The following HIVEP3 variants were observed in gnomAD, a reference collection of about 807,000 sequenced individuals.
The protein encoded by HIVEP3 is transcription factor HIVEP3.
Under a neutral mutation model 152.8 loss-of-function variants are expected in HIVEP3, and 49 were observed. That is an observed-to-expected ratio of 0.32 (90% CI 0.26 to 0.41). The LOEUF (loss-of-function observed/expected upper bound fraction) is 0.41, where lower values mean the gene tolerates loss of function less well. Ranked by LOEUF, HIVEP3 falls within the 10% of genes least tolerant of loss-of-function variation. HIVEP3 has a pLI of 1.00. For synonymous variants in HIVEP3, 1,269 were observed against 1,289.0 expected (o/e 0.98, Z 0.33); for missense variants, 2,790 against 3,103.3 (o/e 0.90, Z 2.40).
At chr1:41,956,711 C>T (rs189649356) in intron 1 of HIVEP3, among the ~76,000 whole-genome samples, 5 of 152,238 alleles carry the variant, frequency 3.3e-5, no homozygotes, top group Admixed American at 3.3e-4. Flanking sequence ...AGACAGGAGC[C>T]CAAGTTAGGT....
chr1:41,896,767 G>A (rs889753716), intron 1 of HIVEP3, among the ~76,000 whole-genome samples: 4 of 151,836 alleles, frequency 2.6e-5, no homozygotes, highest in African/African-American at 9.7e-5. Flanking sequence ...GTAGAGATAG[G>A]GTTTCACCAT....
At chr1:41,825,978 C>T (rs1642791668) in intron 1 of HIVEP3, among the ~76,000 whole-genome samples, 1 of 152,038 alleles carries the variant, frequency 6.6e-6, no homozygotes, top group Non-Finnish European at 1.5e-5. Context: ...CCCTGTAGCC[C>T]CAAGAGAGTA....
intron 1 of HIVEP3, among the ~76,000 whole-genome samples, chr1:41,786,676 G>A (rs973051968): frequency 6.6e-6 from 1 of 152,060 alleles, no homozygotes; most frequent in Non-Finnish European, 1.5e-5. Flanking sequence ...TCTCTTACCA[G>A]GAAAGCTTGC....
At chr1:41,634,689 G>A (rs923729588) in intron 2 of HIVEP3, among the ~76,000 whole-genome samples, 23 of 152,116 alleles carry the variant, frequency 1.5e-4, no homozygotes, top group Admixed American at 6.5e-5. Context: ...AAAATAATGC[G>A]AGAAAGCCAA....
At chr1:41,592,584 C>T (rs1038033370) in intron 3 of HIVEP3, among the ~76,000 whole-genome samples, 8 of 152,182 alleles carry the variant, frequency 5.3e-5, no homozygotes, top group South Asian at 2.1e-4. Flanking sequence ...CAACCCTCCC[C>T]GTGGGACTGA....
chr1:41,861,952 C>T (rs1237289271), intron 1 of HIVEP3, among the ~76,000 whole-genome samples: 1 of 152,064 alleles, frequency 6.6e-6, no homozygotes, highest in Non-Finnish European at 1.5e-5. Context: ...TGGAAGATAC[C>T]ACAAAGCAAA....
At chr1:42,010,431 G>C (rs1645486323) in intron 1 of HIVEP3, among the ~76,000 whole-genome samples, 1 of 152,192 alleles carries the variant, frequency 6.6e-6, no homozygotes, top group African/African-American at 2.4e-5. Context: ...TTTGTAGTTA[G>C]GCAGGTCTAT....
intron 1 of HIVEP3, among the ~76,000 whole-genome samples, chr1:41,874,341 C>T (rs1644131489): frequency 6.6e-6 from 1 of 152,216 alleles, no homozygotes; most frequent in Non-Finnish European, 1.5e-5. Flanking sequence ...AGATTGCCCA[C>T]TGATTTCCTT....
chr1:41,872,560 C>T (rs146810213), intron 1 of HIVEP3, among the ~76,000 whole-genome samples: 4 of 152,112 alleles, frequency 2.6e-5, no homozygotes, highest in African/African-American at 7.2e-5. Flanking sequence ...TTATCTCCCT[C>T]TATCCCACCC....
Position 41,926,063 on chromosome 1 carries a change from C to T in HIVEP3, n.120-7539G>A, listed in dbSNP as rs116513595. 8.8e-3 allele frequency among the ~76,000 whole-genome samples: 1,341 copies of T among 152,144 alleles called. 9 individuals are homozygous for T. Among genetic ancestry groups the T allele is most frequent in the Non-Finnish European group, 0.014 (945 of 67,994 alleles). ...CATGTGGATGAGTGGTGCAGAGCAA[C>T]GAGATAGAAGGATCCTATCCCTGGT... On this transcript the variant is annotated intron_variant and non_coding_transcript_variant, in intron 1 of 3. Transcript: ENST00000489103.
At chr1:41,571,289 A>T (rs1644248820) in intron 5 of HIVEP3, among the ~76,000 whole-genome samples, 1 of 152,212 alleles carries the variant, frequency 6.6e-6, no homozygotes, top group Non-Finnish European at 1.5e-5. Context: ...GCAATAAGTG[A>T]ACTTGAGTTA....
intron 1 of HIVEP3, among the ~76,000 whole-genome samples, chr1:41,891,031 C>T (rs1644438310): frequency 6.6e-6 from 1 of 152,322 alleles, no homozygotes; most frequent in East Asian, 1.9e-4. Context: ...CAACACATTC[C>T]TCACCCAGAG....
At chr1:41,734,654 G>A (rs866745292) in intron 1 of HIVEP3, among the ~76,000 whole-genome samples, 1 of 152,330 alleles carries the variant, frequency 6.6e-6, no homozygotes, top group Middle Eastern at 3.4e-3. Context: ...GGTGACTGCA[G>A]CTCTGTAAAG....
Position 41,999,229 on chromosome 1 carries a change from C to T in HIVEP3, n.119+36578G>A, listed in dbSNP as rs114663632. The stretch of plus-strand genomic sequence containing the variant: ...TTTCTAAGTATAAAAGCAACGCATG[C>T]CCCGTACAGAAAGTGTAGAAAATAT... On this transcript the variant is annotated intron_variant and non_coding_transcript_variant, in intron 1 of 3. Coordinates refer to the HIVEP3 transcript ENST00000489103. Among the ~76,000 whole-genome samples the T allele has an allele frequency of 8.0e-3, 1,221 of 151,982 alleles. 14 individuals are homozygous for T. Among genetic ancestry groups the T allele is most frequent in the African/African-American group, 0.028 (1,173 of 41,420 alleles).
At chr1:41,934,222 G>A (rs937752087) in intron 1 of HIVEP3, among the ~76,000 whole-genome samples, 1 of 152,126 alleles carries the variant, frequency 6.6e-6, no homozygotes, top group Non-Finnish European at 1.5e-5. Context: ...AAGAAAGAAA[G>A]TGTGATCTCC....
Position 41,837,237 on chromosome 1 carries a change from T to C in HIVEP3, c.-801+81176A>G, listed in dbSNP as rs191292021. On this transcript the variant is annotated intron_variant, in intron 1 of 8. Transcript: ENST00000372583. ...TCTCATTTGGGGTTTCCCTCAAGGG[T>C]TACCTCCTCAGTGAAGCCTTCCCTG... 6.6e-5 allele frequency among the ~76,000 whole-genome samples: 10 copies of C among 152,350 alleles called. No homozygotes were observed. The East Asian group carries it at 1.9e-3, about 29-fold the overall frequency.
chr1:41,651,342 T>G (rs1570225300), intron 2 of HIVEP3, among the ~76,000 whole-genome samples: 2 of 136,550 alleles, frequency 1.5e-5, no homozygotes, highest in South Asian at 4.6e-4. Flanking sequence ...ACTTGGGAGG[T>G]GGAAGTTGCA....
At chr1:41,736,575 G>A (rs909493288) in intron 1 of HIVEP3, among the ~76,000 whole-genome samples, 8 of 152,168 alleles carry the variant, frequency 5.3e-5, no homozygotes, top group Admixed American at 1.3e-4. Flanking sequence ...TAACTGAGAG[G>A]GCTGCACCAC....
chr1:41,984,005 T>C (rs1343710154), intron 1 of HIVEP3, among the ~76,000 whole-genome samples: 1 of 152,204 alleles, frequency 6.6e-6, no homozygotes, highest in African/African-American at 2.4e-5. Flanking sequence ...AGCATTTCGC[T>C]CTGTTGCCTA....
Sources: allele counts gnomAD v4.1 joint callset (sites outside exome capture counted in the v4.1 genomes callset), GRCh38; gene constraint gnomAD v4.1.1; transcripts MANE v1.5; gene names NCBI Gene and HGNC (gene_info 2026-07-23, HGNC 2026-07-21).